SLC38A2: variants seen among roughly 807,000 people sequenced by gnomAD.
The protein encoded by SLC38A2 is solute carrier family 38 member 2.
Under a neutral mutation model 61.5 loss-of-function variants are expected in SLC38A2, and 11 were observed. That is an observed-to-expected ratio of 0.18 (90% CI 0.11 to 0.30). The LOEUF (loss-of-function observed/expected upper bound fraction) is 0.30, where lower values mean the gene tolerates loss of function less well. Among genes scored for constraint, SLC38A2 ranks in the 10% least tolerant of loss-of-function variants. The probability of loss-of-function intolerance (pLI) is 1.00; values close to 1 mark genes in which losing one functional copy is unlikely to be tolerated. For synonymous variants in SLC38A2, 217 were observed against 212.5 expected, an observed-to-expected ratio of 1.02 and a Z score of -0.18; for missense variants, 522 against 600.4, an observed-to-expected ratio of 0.87 and a Z score of 1.36.
intron 5 of SLC38A2, 28 bp from the exon 6 acceptor site, chr12:46,367,196 C>A: frequency 1.9e-6 from 3 of 1,599,106 alleles, no homozygotes; most frequent in Non-Finnish European, 2.6e-6. Context: ...AAGCATGAAG[C>A]CAAGGATTTT....
At position 46,364,711 on chromosome 12, in the gene SLC38A2, A is replaced by C. The variant is rs2307061; in HGVS notation, c.647-9T>G. On this transcript the variant is annotated splice_polypyrimidine_tract_variant and intron_variant, in intron 8 of 15. Coordinates refer to ENST00000256689, the MANE Select transcript of SLC38A2 (RefSeq NM_018976.5). ...GGTATATCCCAAATATCCTATAAGG[A>C]GGGGTGGCAGGAATCAGTATTAGTT... is the stretch of plus-strand genomic sequence containing the variant. 435 of 1,602,670 alleles carry C rather than the reference A, an allele frequency of 2.7e-4. No homozygotes were observed. In the African/African-American group the frequency reaches 4.2e-3, roughly 15 times the overall value.
At chr12:46,365,860 T>C (rs891435821) in intron 7 of SLC38A2, among the ~76,000 whole-genome samples, 6 of 152,182 alleles carry the variant, frequency 3.9e-5, no homozygotes, top group African/African-American at 1.4e-4. Context: ...CTAAGCCTTT[T>C]TCTTTTTAGG....
In SLC38A2 at chr12:46,372,768, G is replaced by C. The variant is rs570188386; in HGVS notation, c.-346C>G. 1 of 398,148 alleles carries C rather than the reference G, an allele frequency of 2.5e-6. No homozygotes were observed. Among genetic ancestry groups the C allele is most frequent in the Non-Finnish European group, 4.4e-6 (1 of 225,786 alleles). 24.7% of individuals were successfully genotyped at this position (398,148 alleles called of 1,614,324 possible). ...GCGTTCTAAGGCGGCGGCGTCGCGC[G>C]GCTGTGGAGCAGCCCTGCGAGCGGC... On this transcript the variant is annotated 5_prime_UTR_variant, in exon 1 of 16. Transcript: ENST00000256689.
At chr12:46,366,227 G>C (rs1015142295) in intron 7 of SLC38A2, among the ~76,000 whole-genome samples, 1 of 152,108 alleles carries the variant, frequency 6.6e-6, no homozygotes, top group African/African-American at 2.4e-5. Context: ...GAAGTGTTTT[G>C]GACTTTGGAG....
Position 46,366,875 on chromosome 12 carries a change from T to G in SLC38A2, c.552A>C (p.Glu184Asp). 3.7e-6 allele frequency: 6 copies of G among 1,613,104 alleles called. No homozygotes were observed. Among genetic ancestry groups the G allele is most frequent in the Non-Finnish European group, 5.1e-6 (6 of 1,179,726 alleles). The change falls in exon 7 of 16, where the codon GAA becomes GAC. Residue 184 changes from glutamate (E) to aspartate (D), a missense_variant. Around this residue, in one of 3 missense-constraint regions of SLC38A2, gnomAD observed 111 missense variants for 173.4 expected, o/e 0.64. Transcript: ENST00000256689. ...TACTTAGCACCTACCCAGTTTTATC[T>G]TCAATGTTCGTTAATGCCTGGATCA... ...PLVIQALTNI[E>D]DKTGLWYLNG...
At chr12:46,372,442 G>T in intron 1 of SLC38A2, 67 bp downstream of exon 1, 1 of 367,056 alleles carries the variant, frequency 2.7e-6, no homozygotes, top group Non-Finnish European at 4.8e-6. Flanking sequence ...GCCCCTCCCG[G>T]AAGCCCCTCC....
chr12:46,363,002 A>T lies in SLC38A2; in HGVS notation c.1179+19T>A, dbSNP rs553146976. The T allele has an allele frequency of 6.2e-7, 1 of 1,611,256 alleles. No individual in the cohort carries two copies. Among genetic ancestry groups the T allele is most frequent in the African/African-American group, 1.3e-5 (1 of 74,920 alleles). ...CTAAAAACTCCTTCCTACTGAAAGC[A>T]GAGCAAGTGATTACTTACTGGGAAA... On this transcript the variant is annotated intron_variant, in intron 13 of 15. Transcript: ENST00000256689.
At position 46,361,159 on chromosome 12, in the gene SLC38A2, G is replaced by A. The variant is rs374373899; in HGVS notation, c.1473C>T (p.Ala491=). The change falls in exon 16 of 16, where the codon GCC becomes GCT. Residue 491 remains alanine, a synonymous_variant. Coordinates refer to ENST00000256689, the MANE Select transcript of SLC38A2 (RefSeq NM_018976.5). ...TGTGTACCCAATCCAAAACAATCAA[G>A]GCCATGCTTCCGGTCATCACCAGTA... ...SGVLVMTGSM[A]LIVLDWVHNA... 1.9e-6 allele frequency: 3 copies of A among 1,613,520 alleles called. No individual in the cohort carries two copies. The East Asian group carries it at 6.7e-5, about 36-fold the overall frequency.
intron 4 of SLC38A2, among the ~76,000 whole-genome samples, 188 bp downstream of exon 4, chr12:46,370,324 T>C (rs189549384): frequency 6.6e-6 from 1 of 152,356 alleles, no homozygotes; most frequent in East Asian, 1.9e-4. Context: ...TTTTTTCTAG[T>C]TGGCTTTCTT....
At chr12:46,362,755 A>C (rs1943095771) in intron 13 of SLC38A2, 117 bp from the exon 14 acceptor site, 1 of 1,144,038 alleles carries the variant, frequency 8.7e-7, no homozygotes, top group African/African-American at 1.6e-5. Context: ...CAAAATAGTA[A>C]CTATTTCTAA....
chr12:46,371,147 G>T lies in SLC38A2; in HGVS notation c.116+31C>A, dbSNP rs374994285. ...TCCCTGAACCCAACCCATGCAAGCC[G>T]TTTTTTCAAAAGTGTCACAACTTCT... On this transcript the variant is annotated intron_variant, in intron 2 of 15. Transcript: ENST00000256689. The T allele has an allele frequency of 3.1e-6, 5 of 1,600,560 alleles. No homozygotes were observed. In the African/African-American group the frequency reaches 5.4e-5, roughly 17 times the overall value.
At chr12:46,368,603 T>A (rs1437813618) in intron 4 of SLC38A2, among the ~76,000 whole-genome samples, 1 of 152,198 alleles carries the variant, frequency 6.6e-6, no homozygotes, top group African/African-American at 2.4e-5. Flanking sequence ...TGTTTTTTAA[T>A]TCCGTATGAA....
chr12:46,370,657 T>C, intron 3 of SLC38A2, 30 bp from the exon 4 acceptor site: 16 of 1,575,148 alleles, frequency 1.0e-5, no homozygotes, highest in Non-Finnish European at 1.4e-5. Flanking sequence ...TAACCAAACA[T>C]ATAACAATAA....
rs753895459 is a variant in SLC38A2, at chr12:46,362,544, T to C, written c.1274A>G (p.Asn425Ser). Residue 425 changes from asparagine to serine, a missense_variant, in exon 14 of 16, where the codon AAT (asparagine) becomes AGT (serine). Asn to Ser is a conservative substitution (Grantham distance 46, BLOSUM62 1). Transcript: ENST00000256689. ...LITVSILAFTNLLVIFVPTIR... is the reference protein window; with the variant it reads ...LITVSILAFTSLLVIFVPTIR... ...AGTTGGGACAAAGATGACAAGTAAA[T>C]TGGTAAATGCCAAGATAGACACTGT... 1.7e-5 allele frequency: 28 copies of C among 1,600,210 alleles called. No individual in the cohort carries two copies. The highest frequency in any genetic ancestry group is 2.1e-5 in the Non-Finnish European group (25 of 1,176,656).
In SLC38A2 at chr12:46,370,314, T is replaced by A. The variant is rs183666017; in HGVS notation, c.314+198A>T. 8.5e-5 allele frequency among the ~76,000 whole-genome samples: 13 copies of A among 152,326 alleles called. No individual in the cohort carries two copies. In the East Asian group the frequency reaches 2.5e-3, roughly 29 times the overall value. On this transcript the variant is annotated intron_variant, in intron 4 of 15. Transcript: ENST00000256689. Reference sequence around the variant, plus strand: ...TTGTCAGTTTTAAGGACTGCCCTATTTTTTTCTAGTTGGCTTTCTTGATAT... The same window carrying A: ...TTGTCAGTTTTAAGGACTGCCCTATATTTTTCTAGTTGGCTTTCTTGATAT...
rs768987773 is a variant in SLC38A2, at chr12:46,364,524, A to G, written c.738T>C (p.Pro246=). ...CGTTAATTATCAAAGCAGCTTCCAC[A>G]GGACACGGAACCTGAAATTTCTTGC... The part of the protein sequence containing the change: ...VICKKFQVPC[P]VEAALIINET... The change falls in exon 10 of 16, where the codon CCT becomes CCC. Residue 246 remains proline, a synonymous_variant. Transcript: ENST00000256689. 2.5e-6 allele frequency: 4 copies of G among 1,607,856 alleles called. No homozygotes were observed. Among genetic ancestry groups the G allele is most frequent in the East Asian group, 4.5e-5 (2 of 44,868 alleles).
chr12:46,361,564 C>T (rs1407327205), intron 15 of SLC38A2, among the ~76,000 whole-genome samples: 1 of 152,060 alleles, frequency 6.6e-6, no homozygotes, highest in Admixed American at 6.6e-5. Flanking sequence ...TCCTAAAATG[C>T]AGCAAAAGTC....
intron 15 of SLC38A2, 21 bp downstream of exon 15, chr12:46,362,263 T>C (rs1943089369): frequency 2.6e-6 from 4 of 1,534,490 alleles, no homozygotes; most frequent in Middle Eastern, 1.9e-4. Flanking sequence ...ACTGTTTCTA[T>C]GGTTATAATC....
chr12:46,370,810 G>A lies in SLC38A2; in HGVS notation c.164C>T (p.Ser55Leu). The change falls in exon 3 of 16, where the codon TCG (serine) becomes TTG (leucine). Residue 55 changes from serine to leucine, a missense_variant. This residue lies in a region of SLC38A2 where 102 missense variants were observed against 83.1 expected (regional missense o/e 1.23). Coordinates refer to ENST00000256689, the MANE Select transcript of SLC38A2 (RefSeq NM_018976.5). ...DPENQNFLLESNLGKKKYETE... is the reference protein window; with the variant it reads ...DPENQNFLLELNLGKKKYETE... ...TTCATACTTCTTCTTCCCCAAATTC[G>A]ATTCAAGTAAAAAGTTCTGGTTTTC... is the stretch of plus-strand genomic sequence containing the variant. 1 of 1,612,688 alleles carries A rather than the reference G, an allele frequency of 6.2e-7. No individual in the cohort carries two copies. Among genetic ancestry groups the A allele is most frequent in the Non-Finnish European group, 8.5e-7 (1 of 1,179,510 alleles).
Sources: allele counts gnomAD v4.1 joint callset (sites outside exome capture counted in the v4.1 genomes callset), GRCh38; gene constraint gnomAD v4.1.1; regional missense constraint gnomAD v4.1.1; transcripts MANE v1.5; gene names NCBI Gene and HGNC (gene_info 2026-07-23, HGNC 2026-07-21).